The following LMNA variants were observed in gnomAD, a reference collection of about 807,000 sequenced individuals.
LMNA encodes the protein lamin A/C, also known as lamin.
A neutral mutation model predicts 70.4 loss-of-function variants in LMNA; 20 were observed. The ratio of observed to expected loss-of-function variants is 0.28; its 90% CI spans 0.20 to 0.41. The LOEUF (loss-of-function observed/expected upper bound fraction) is 0.41, where lower values mean the gene tolerates loss of function less well. Among genes scored for constraint, LMNA ranks in the 10% least tolerant of loss-of-function variants. LMNA has a pLI of 1.00. For missense variants in LMNA, 652 were observed against 917.2 expected (o/e 0.71, Z 3.73); for synonymous variants, 339 against 372.8 (o/e 0.91, Z 1.04).
intron 1 of LMNA, among the ~76,000 whole-genome samples, chr1:156,122,897 G>C (rs1310000388): frequency 6.6e-6 from 1 of 152,212 alleles, no homozygotes; most frequent in East Asian, 1.9e-4. Context: ...TTAAGGAAGG[G>C]GAAAGAGTTT....
upstream of LMNA, among the ~76,000 whole-genome samples, chr1:156,113,348 G>A (rs1649611529): frequency 6.6e-6 from 1 of 151,970 alleles, no homozygotes; most frequent in Non-Finnish European, 1.5e-5. Context: ...AACAGAGGAT[G>A]AGGTGGATGG....
Position 156,114,847 on chromosome 1 carries a change from T to G in LMNA, c.-72T>G, listed in dbSNP as rs1649686263. 14 of 1,092,738 alleles carry G rather than the reference T, an allele frequency of 1.3e-5. No homozygotes were observed. The South Asian group carries it at 2.3e-4, about 18-fold the overall frequency. 67.7% of individuals were successfully genotyped at this position (1,092,738 alleles called of 1,614,324 possible). A position where few individuals can be genotyped will look rare whatever the true frequency, so the allele number is the denominator to read the frequency against. ...GCGCACTCCGACTCCGAGCAGTCTCTGTCCTTCGACCCGAGCCCCGCGCCC... is the reference window on the plus strand; with the variant it reads ...GCGCACTCCGACTCCGAGCAGTCTCGGTCCTTCGACCCGAGCCCCGCGCCC... On this transcript the variant is annotated 5_prime_UTR_variant, in exon 1 of 12. Transcript: ENST00000368300.
rs532569553 is a variant in LMNA at position 156,126,340 on chromosome 1, T to C, written c.357-4277T>C. On this transcript the variant is annotated intron_variant, in intron 1 of 11. Transcript: ENST00000368300. ...TATTTTTAGCTACAGTGTCTGTCCCTCTTGCTTCTCCCCCAGATTGGGAGA... is the reference window on the plus strand; with the variant it reads ...TATTTTTAGCTACAGTGTCTGTCCCCCTTGCTTCTCCCCCAGATTGGGAGA... The C allele has an allele frequency of 1.2e-4, 99 of 828,194 alleles. No individual in the cohort carries two copies. The African/African-American group carries it at 1.6e-3, about 13-fold the overall frequency. The allele number at this position is 828,194 out of a possible 1,614,324, so 51.3% of individuals were successfully genotyped here.
intron 3 of LMNA, among the ~76,000 whole-genome samples, chr1:156,093,100 G>A (rs1648772248): frequency 1.3e-5 from 2 of 151,456 alleles, no homozygotes; most frequent in Non-Finnish European, 2.9e-5. Context: ...ATGTTGGCCA[G>A]GCTGGTTCGA....
In LMNA at chr1:156,139,847, C is replaced by T; in HGVS notation, c.*741C>T. 1 of 1,514,422 alleles carries T rather than the reference C, an allele frequency of 6.6e-7. No homozygotes were observed. The allele number at this position is 1,514,422 out of a possible 1,614,324, so 93.8% of individuals were successfully genotyped here. On this transcript the variant is annotated 3_prime_UTR_variant, in exon 12 of 12. Coordinates refer to ENST00000368300, the MANE Select transcript of LMNA (RefSeq NM_170707.4). The stretch of plus-strand genomic sequence containing the variant: ...TTGAGCTGCCTTCCCTAGCTTTAGA[C>T]CCTGGGTGGGCTCTGTGCAGTCACT...
At position 156,137,688 on chromosome 1, in the gene LMNA, C is replaced by A; in HGVS notation, c.1643C>A (p.Thr548Asn). The A allele has an allele frequency of 6.4e-7, 1 of 1,556,382 alleles. No individual in the cohort carries two copies. Among genetic ancestry groups the A allele is most frequent in the South Asian group, 1.2e-5 (1 of 84,304 alleles). Residue 548 changes from threonine to asparagine, a missense_variant, in exon 10 of 12, where the codon ACT (threonine) becomes AAT (asparagine). Thr to Asn is a moderately conservative substitution (Grantham distance 65). Coordinates refer to ENST00000368300, the MANE Select transcript of LMNA (RefSeq NM_170707.4). The surrounding 1 kb of genome is among the most constrained non-coding windows in gnomAD (Gnocchi z 4.6). ...VAMRKLVRSV[T>N]VVEDDEDEDG... ...ATGCGCAAGCTGGTGCGCTCAGTGA[C>A]TGTGGTTGAGGACGACGAGGATGAG...
chr1:156,135,855 A>G lies in LMNA; in HGVS notation c.937-46A>G, dbSNP rs180926699. On this transcript the variant is annotated intron_variant, in intron 5 of 11. Transcript: ENST00000368300. The surrounding 1 kb of genome is among the most constrained non-coding windows in gnomAD (Gnocchi z 4.8). ...CCGACCCACGTCCCTCCTTCCCCAT[A>G]CTTAGGGCCCTTGGGAGCTCACCAA... 1,946 of 1,550,202 alleles carry G rather than the reference A, an allele frequency of 1.3e-3. 3 individuals carry two copies. The highest frequency in any genetic ancestry group is 1.6e-3 in the Non-Finnish European group (1,786 of 1,126,798).
At chr1:156,126,850 G>A (rs929270814) in intron 1 of LMNA, 2 of 1,611,994 alleles carry the variant, frequency 1.2e-6, no homozygotes, top group Admixed American at 1.7e-5. Context: ...CAAGGGAAAG[G>A]ACTGGCACTC....
At chr1:156,126,777 C>A in intron 1 of LMNA, 1 of 1,596,096 alleles carries the variant, frequency 6.3e-7, no homozygotes. Flanking sequence ...GATGCCCAGC[C>A]CTTCTCGCCT....
At chr1:156,091,305 A>C (rs1311507994) in intron 3 of LMNA, among the ~76,000 whole-genome samples, 1 of 152,234 alleles carries the variant, frequency 6.6e-6, no homozygotes, top group Non-Finnish European at 1.5e-5. Context: ...GTAAGGATTT[A>C]AAACATTTCA....
chr1:156,130,026 A>G, intron 1 of LMNA: 1 of 632,700 alleles, frequency 1.6e-6, no homozygotes, highest in South Asian at 1.8e-5. Context: ...AAGGGTCAAT[A>G]TTGTGCCTGG....
chr1:156,087,417 A>C (rs1648522037), intron 2 of LMNA, among the ~76,000 whole-genome samples: 1 of 151,700 alleles, frequency 6.6e-6, no homozygotes, highest in Non-Finnish European at 1.5e-5. Context: ...TAATTTTTGT[A>C]TTTTTAGTAG....
chr1:156,100,001 G>A (rs1649088588), intron 3 of LMNA, among the ~76,000 whole-genome samples: 1 of 152,084 alleles, frequency 6.6e-6, no homozygotes, highest in Non-Finnish European at 1.5e-5. Context: ...CCCAGTGAGG[G>A]TTGAGATCAC....
chr1:156,096,545 G>A (rs1648944757), intron 3 of LMNA, among the ~76,000 whole-genome samples: 1 of 152,228 alleles, frequency 6.6e-6, no homozygotes, highest in Non-Finnish European at 1.5e-5. Flanking sequence ...CCGCAGACCG[G>A]GTTAGGTGCC....
chr1:156,138,656 A>G lies in LMNA; in HGVS notation c.1867A>G (p.Thr623Ala), dbSNP rs757888891. 3.1e-6 allele frequency: 5 copies of G among 1,613,486 alleles called. No homozygotes were observed. Among genetic ancestry groups the G allele is most frequent in the Middle Eastern group, 3.3e-4 (2 of 6,062 alleles). Residue 623 changes from threonine (T) to alanine (A), a missense_variant, in exon 11 of 12, where the codon ACT (threonine) becomes GCT (alanine). By Grantham distance (58) the Thr-to-Ala change is moderately conservative. Coordinates refer to ENST00000368300, the MANE Select transcript of LMNA (RefSeq NM_170707.4). The surrounding 1 kb of genome is among the most constrained non-coding windows in gnomAD (Gnocchi z 5.5). Reference sequence around the variant, plus strand: ...CTCTTCTGCCTCCAGTGTCACGGTCACTCGCAGCTACCGCAGTGTGGGGGG... The same window carrying G: ...CTCTTCTGCCTCCAGTGTCACGGTCGCTCGCAGCTACCGCAGTGTGGGGGG... ...SGSSASSVTV[T>A]RSYRSVGGSG...
In LMNA at chr1:156,092,894, T is replaced by C. The variant is rs187406746; in HGVS notation, c.-207+2312T>C. 7.7e-4 allele frequency among the ~76,000 whole-genome samples: 115 copies of C among 149,264 alleles called. 1 individual carries two copies. The highest frequency in any genetic ancestry group is 2.6e-3 in the African/African-American group (107 of 40,860). ...TTTCTTTTCTTTTCTTTTTTTCTTT[T>C]TTTTTTTTTTTTGAGACAGAGGAGT... is the stretch of plus-strand genomic sequence containing the variant. On this transcript the variant is annotated intron_variant, in intron 3 of 12. Transcript: ENST00000368301.
At chr1:156,126,226 G>T (rs1413217041) in intron 1 of LMNA, 2 of 1,521,090 alleles carry the variant, frequency 1.3e-6, no homozygotes. Flanking sequence ...GAGGGCTGGT[G>T]AGCAGGGCTG....
intron 1 of LMNA, among the ~76,000 whole-genome samples, chr1:156,118,300 C>T (rs1358083311): frequency 1.3e-5 from 2 of 152,158 alleles, no homozygotes; most frequent in Non-Finnish European, 2.9e-5. Context: ...AAACTTTGAT[C>T]GAGAAACAGA....
chr1:156,126,475 G>A, intron 1 of LMNA: 1 of 646,740 alleles, frequency 1.5e-6, no homozygotes. Context: ...GTTGGGCTGA[G>A]CAGGGTGACT....
Sources: gnomAD v4.1 joint callset for allele counts (sites outside exome capture counted in the v4.1 genomes callset) on GRCh38, gnomAD v4.1.1 for gene constraint, Gnocchi (gnomAD v3.1) non-coding constraint, MANE v1.5 for transcripts, NCBI Gene and HGNC (gene_info 2026-07-23, HGNC 2026-07-21) for gene names.